The following MALRD1 variants were observed in gnomAD, a reference collection of about 807,000 sequenced individuals.
MALRD1 encodes the protein MAM and LDL receptor class A domain containing 1, also known as MAM and LDL-receptor class A domain-containing protein 1.
MALRD1 carries 247 observed loss-of-function variants against 242.1 expected under a neutral mutation model. The observed-to-expected ratio is 1.02, with a 90% CI of 0.92 to 1.13. MALRD1 has a LOEUF of 1.13. Among genes scored for constraint, MALRD1 ranks in the 50% most tolerant of loss-of-function variants. The pLI is 0.00. For synonymous variants in MALRD1, 995 were observed against 866.6 expected (o/e 1.15, Z -2.60); for missense variants, 2,989 against 2,533.1 (o/e 1.18, Z -3.86).
At chr10:19,442,879 G>T (rs1834748022) in intron 28 of MALRD1, among the ~76,000 whole-genome samples, 2 of 152,134 alleles carry the variant, frequency 1.3e-5, no homozygotes, top group African/African-American at 4.8e-5. Context: ...GATTGGAATA[G>T]TTTCAGAAGG....
rs567613180 is a variant in MALRD1 at position 19,109,475 on chromosome 10, G to A, written c.694+5400G>A. Among the ~76,000 whole-genome samples, 4 of 152,258 alleles carry A rather than the reference G, an allele frequency of 2.6e-5. No homozygotes were observed. The South Asian group carries it at 8.3e-4, about 32-fold the overall frequency. ...TTGGCAAGATTGCCTATAATTTGGG[G>A]GTAAAGACATCTCATAAGCTTGGCC... On this transcript the variant is annotated intron_variant, in intron 5 of 39. Transcript: ENST00000454679.
At chr10:19,412,023 G>T (rs1038309633) in intron 28 of MALRD1, among the ~76,000 whole-genome samples, 1 of 152,192 alleles carries the variant, frequency 6.6e-6, no homozygotes, top group African/African-American at 2.4e-5. Flanking sequence ...TTATGGCTGG[G>T]TGCAGTGACT....
intron 19 of MALRD1, among the ~76,000 whole-genome samples, chr10:19,271,500 C>T (rs1050124347): frequency 4.6e-5 from 7 of 152,194 alleles, no homozygotes; most frequent in African/African-American, 1.7e-4. Flanking sequence ...TACGGTGGCT[C>T]ATGCCTGTAA....
chr10:19,377,775 C>T (rs1845672856), intron 26 of MALRD1, among the ~76,000 whole-genome samples: 1 of 151,982 alleles, frequency 6.6e-6, no homozygotes, highest in African/African-American at 2.4e-5. Flanking sequence ...ATTATTATTT[C>T]TGAGTATTTT....
chr10:19,504,973 C>T (rs539338648), intron 31 of MALRD1, among the ~76,000 whole-genome samples: 4 of 152,132 alleles, frequency 2.6e-5, no homozygotes, highest in African/African-American at 4.8e-5. Context: ...TGAGCCACCG[C>T]GCCCGGCCTG....
At chr10:19,283,234 C>T (rs971337166) in intron 21 of MALRD1, 53 bp downstream of exon 21, 154 of 1,347,270 alleles carry the variant, frequency 1.1e-4, no homozygotes, top group Non-Finnish European at 1.4e-4. Flanking sequence ...TATTAAGCAT[C>T]TCCCAAATTT....
In MALRD1 at chr10:19,352,269, A is replaced by G. The variant is rs1844419456; in HGVS notation, c.4413A>G (p.Gln1471=). 1.3e-6 allele frequency: 2 copies of G among 1,549,922 alleles called. No homozygotes were observed. The highest frequency in any genetic ancestry group is 2.4e-5 in the East Asian group (1 of 40,868). ...ENCLSLHDSV[Q]EELAVPLPTG... ...GTCTATCACTCCATGATTCCGTGCA[A>G]GAAGAACTGGCAGTGCCTCTTCCAA... The change falls in exon 26 of 40, where the codon CAA becomes CAG. Residue 1471 remains glutamine (Q), a synonymous_variant. Coordinates refer to ENST00000454679, the MANE Select transcript of MALRD1 (RefSeq NM_001142308.3).
chr10:19,550,461 A>T (rs1457016349), intron 32 of MALRD1, among the ~76,000 whole-genome samples: 1 of 152,026 alleles, frequency 6.6e-6, no homozygotes, highest in Non-Finnish European at 1.5e-5. Context: ...ACTAGTACCA[A>T]TTAATTATTT....
At chr10:19,148,850 A>G (rs1421970087) in intron 11 of MALRD1, among the ~76,000 whole-genome samples, 2 of 148,140 alleles carry the variant, frequency 1.4e-5, no homozygotes, top group Non-Finnish European at 3.0e-5. Flanking sequence ...CATGATTGCC[A>G]TGATCAAACC....
At chr10:19,610,652 A>G (rs927589225) in intron 35 of MALRD1, among the ~76,000 whole-genome samples, 1 of 152,072 alleles carries the variant, frequency 6.6e-6, no homozygotes, top group African/African-American at 2.4e-5. Flanking sequence ...GTATGCCCAC[A>G]GCATCAAAAA....
chr10:19,549,190 G>GA (rs1835375931), intron 32 of MALRD1, among the ~76,000 whole-genome samples: 1 of 152,176 alleles, frequency 6.6e-6, no homozygotes, highest in Non-Finnish European at 1.5e-5. Context: ...GCTAGTAGAG[G>GA]ATGGTTAGTT....
intron 38 of MALRD1, among the ~76,000 whole-genome samples, chr10:19,701,684 C>T (rs938555238): frequency 1.1e-4 from 16 of 146,340 alleles, no homozygotes; most frequent in Non-Finnish European, 1.8e-4. Context: ...CTTCCCTTTC[C>T]TCCCCTCCCC....
intron 2 of MALRD1, among the ~76,000 whole-genome samples, chr10:19,068,786 A>G (rs2131249156): frequency 6.6e-6 from 1 of 152,214 alleles, no homozygotes; most frequent in East Asian, 1.9e-4. Context: ...TTTTTGATTA[A>G]CTTACTCTTG....
intron 5 of MALRD1, among the ~76,000 whole-genome samples, chr10:19,122,083 T>C (rs1837085597): frequency 6.6e-6 from 1 of 152,146 alleles, no homozygotes; most frequent in Admixed American, 6.6e-5. Flanking sequence ...ATGTATTTTC[T>C]AGAGTTTTTG....
intron 38 of MALRD1, among the ~76,000 whole-genome samples, chr10:19,708,074 T>C (rs1833945092): frequency 8.3e-6 from 1 of 119,938 alleles, no homozygotes; most frequent in Admixed American, 9.5e-5. Context: ...AAAGCAAGCA[T>C]CAAAGATGAT....
At chr10:19,570,580 T>A (rs1836479467) in intron 33 of MALRD1, among the ~76,000 whole-genome samples, 1 of 152,018 alleles carries the variant, frequency 6.6e-6, no homozygotes, top group Non-Finnish European at 1.5e-5. Context: ...AATTTAGGCA[T>A]TGAACACCTA....
chr10:19,208,004 A>G (rs1358325928), intron 17 of MALRD1, among the ~76,000 whole-genome samples: 1 of 152,184 alleles, frequency 6.6e-6, no homozygotes, highest in Non-Finnish European at 1.5e-5. Flanking sequence ...TTGTGATGGT[A>G]CAAGATTTCA....
intron 28 of MALRD1, among the ~76,000 whole-genome samples, chr10:19,391,938 A>G (rs780685512): frequency 6.6e-6 from 1 of 152,202 alleles, no homozygotes; most frequent in Non-Finnish European, 1.5e-5. Context: ...CTTATTTAGG[A>G]CAACCCTTGC....
At chr10:19,265,825 C>T (rs1839951075) in intron 19 of MALRD1, among the ~76,000 whole-genome samples, 1 of 151,838 alleles carries the variant, frequency 6.6e-6, no homozygotes, top group Non-Finnish European at 1.5e-5. Context: ...TATTGAAGTC[C>T]TTTACTATTA....
Sources: gnomAD v4.1 joint callset for allele counts (sites outside exome capture counted in the v4.1 genomes callset) on GRCh38, gnomAD v4.1.1 for gene constraint, MANE v1.5 for transcripts, NCBI Gene and HGNC (gene_info 2026-07-23, HGNC 2026-07-21) for gene names.